The following GSE1 variants were observed in gnomAD, a reference collection of about 807,000 sequenced individuals.
GSE1 encodes Gse1 coiled-coil protein, also known as genetic suppressor element 1.
A neutral mutation model predicts 112.6 loss-of-function variants in GSE1; 32 were observed. The observed-to-expected ratio is 0.28, with a 90% CI of 0.21 to 0.38. The LOEUF (loss-of-function observed/expected upper bound fraction) is 0.38, where lower values mean the gene tolerates loss of function less well. GSE1 is among the 10% of genes least tolerant of loss of function. The probability of loss-of-function intolerance (pLI) is 1.00; values close to 1 mark genes in which losing one functional copy is unlikely to be tolerated. For missense variants in GSE1, 2,348 were observed against 1,699.2 expected, an observed-to-expected ratio of 1.38 and a Z score of -6.71; for synonymous variants, 1,115 against 735.6, an observed-to-expected ratio of 1.52 and a Z score of -8.35.
intron 1 of GSE1, among the ~76,000 whole-genome samples, chr16:85,307,356 C>A (rs746952054): frequency 1.6e-4 from 24 of 152,228 alleles, no homozygotes; most frequent in Non-Finnish European, 3.4e-4. Flanking sequence ...ATCACCTTCA[C>A]TTCTGACACA....
intron 1 of GSE1, among the ~76,000 whole-genome samples, chr16:85,228,336 C>T: frequency 6.6e-6 from 1 of 152,124 alleles, no homozygotes; most frequent in East Asian, 1.9e-4. Flanking sequence ...GGAGGTTGTC[C>T]ACACTGCTTG....
At chr16:85,591,871 A>G (rs2047015528) in intron 1 of GSE1, among the ~76,000 whole-genome samples, 1 of 152,204 alleles carries the variant, frequency 6.6e-6, no homozygotes, top group African/African-American at 2.4e-5. Flanking sequence ...GTCTGCTGGA[A>G]CATTCTACAC....
Position 85,373,003 on chromosome 16 carries a change from C to T in GSE1, c.2464+15360C>T, listed in dbSNP as rs542090837. Among the ~76,000 whole-genome samples the T allele has an allele frequency of 2.0e-5, 3 of 152,252 alleles. No homozygotes were observed. Among genetic ancestry groups the T allele is most frequent in the Admixed American group, 6.5e-5 (1 of 15,288 alleles). On this transcript the variant is annotated intron_variant, in intron 2 of 2. Coordinates refer to the GSE1 transcript ENST00000637419. The surrounding 1 kb of genome is among the most constrained non-coding windows in gnomAD (Gnocchi z 5.1). ...CTGACCTCAGTTACAGGAAGTCCAC[C>T]GGTTAGGAAAGTGTTCTCTAAACTG...
chr16:85,335,757 T>G (rs1043999999), intron 1 of GSE1, among the ~76,000 whole-genome samples: 1 of 152,168 alleles, frequency 6.6e-6, no homozygotes, highest in Admixed American at 6.5e-5. Context: ...GAGGGAGCCA[T>G]GTCCATTTCG....
chr16:85,351,323 G>A (rs2046846496), intron 1 of GSE1, among the ~76,000 whole-genome samples: 1 of 152,178 alleles, frequency 6.6e-6, no homozygotes, highest in Admixed American at 6.5e-5. Context: ...GTCCTTTATT[G>A]TTCAAAATAC....
intron 1 of GSE1, among the ~76,000 whole-genome samples, chr16:85,275,320 G>T (rs939020908): frequency 3.3e-5 from 5 of 152,208 alleles, no homozygotes; most frequent in Non-Finnish European, 7.3e-5. Flanking sequence ...AGAAAAGCTG[G>T]GCAGAGGGCA....
chr16:85,381,378 C>A (rs764408345), intron 2 of GSE1, among the ~76,000 whole-genome samples: 28 of 152,256 alleles, frequency 1.8e-4, no homozygotes, highest in Non-Finnish European at 3.5e-4. Context: ...TGGGCTGTCC[C>A]CAGGTTTGGG....
At chr16:85,536,782 C>T (rs62048400) in intron 2 of GSE1, among the ~76,000 whole-genome samples, 9,252 of 152,270 alleles carry the variant, frequency 0.061, 356 homozygotes, top group Middle Eastern at 0.17. Flanking sequence ...CCGGGGCCTC[C>T]TGGGATGGGC....
intron 2 of GSE1, among the ~76,000 whole-genome samples, chr16:85,536,907 A>C (rs550312518): frequency 1.3e-5 from 2 of 152,226 alleles, no homozygotes; most frequent in African/African-American, 4.8e-5. Context: ...GGAACCGGCG[A>C]GGAATGGTGA....
chr16:85,605,217 C>G (rs536288726), intron 1 of GSE1, among the ~76,000 whole-genome samples: 3 of 151,842 alleles, frequency 2.0e-5, no homozygotes, highest in Non-Finnish European at 4.4e-5. Flanking sequence ...AGCCAGGGGC[C>G]GGCAGGGGCT....
chr16:85,612,817 C>G (rs2048080662), upstream of GSE1, among the ~76,000 whole-genome samples: 2 of 152,230 alleles, frequency 1.3e-5, no homozygotes, highest in African/African-American at 4.8e-5. Flanking sequence ...GTTACCCGTC[C>G]GCCCATTATT....
At chr16:85,281,612 G>C (rs1463514250) in intron 1 of GSE1, among the ~76,000 whole-genome samples, 1 of 152,104 alleles carries the variant, frequency 6.6e-6, no homozygotes, top group Non-Finnish European at 1.5e-5. Context: ...AAAACGATAT[G>C]CAATGCTCCA....
At chr16:85,190,373 G>A (rs1363347635) in intron 1 of GSE1, among the ~76,000 whole-genome samples, 2 of 152,234 alleles carry the variant, frequency 1.3e-5, no homozygotes, top group Non-Finnish European at 2.9e-5. Context: ...GTTATTTGGA[G>A]CATATGCATT....
intron 3 of GSE1, among the ~76,000 whole-genome samples, chr16:85,651,124 G>A (rs1254630428): frequency 2.2e-5 from 3 of 133,718 alleles, no homozygotes; most frequent in African/African-American, 8.3e-5. Context: ...AGCTGCGGCT[G>A]CAGCCGCTGC....
chr16:85,509,491 C>T (rs1043698374), intron 2 of GSE1, among the ~76,000 whole-genome samples: 1 of 152,242 alleles, frequency 6.6e-6, no homozygotes, highest in Non-Finnish European at 1.5e-5. Context: ...AAGGGGTCAT[C>T]GTCCTTGGTC....
intron 2 of GSE1, among the ~76,000 whole-genome samples, chr16:85,431,282 G>A (rs2049114444): frequency 6.6e-6 from 1 of 152,216 alleles, no homozygotes; most frequent in Admixed American, 6.5e-5. Context: ...CCAGCCTCCA[G>A]GCCCTGTCCA....
chr16:85,204,736 T>C (rs986006473), intron 1 of GSE1, among the ~76,000 whole-genome samples: 1 of 152,226 alleles, frequency 6.6e-6, no homozygotes, highest in African/African-American at 2.4e-5. Context: ...GGGACTCCTG[T>C]TTCCCCAGCA....
chr16:85,171,785 C>T (rs962236348), exon 1 of GSE1: 37 of 985,516 alleles, frequency 3.8e-5, no homozygotes, highest in Middle Eastern at 5.2e-4. Context: ...AGCTGGAGCT[C>T]CCCGGTGGCA....
chr16:85,206,816 C>T lies in GSE1; in HGVS notation c.2283+35009C>T, dbSNP rs541185333. The stretch of plus-strand genomic sequence containing the variant: ...CGCCAGGATGGAGGTGCTGGCCCCC[C>T]GCCAGCCCAGCTTCCCTGCCCACCG... On this transcript the variant is annotated intron_variant, in intron 1 of 2. Transcript: ENST00000637419. 5.3e-5 allele frequency among the ~76,000 whole-genome samples: 8 copies of T among 152,052 alleles called. No homozygotes were observed. The East Asian group carries it at 9.7e-4, about 18-fold the overall frequency.
Sources: allele counts gnomAD v4.1 joint callset (sites outside exome capture counted in the v4.1 genomes callset), GRCh38; gene constraint gnomAD v4.1.1; non-coding constraint Gnocchi (gnomAD v3.1); transcripts MANE v1.5; gene names NCBI Gene and HGNC (gene_info 2026-07-23, HGNC 2026-07-21).